TRIP12: variants seen among roughly 807,000 people sequenced by gnomAD.
TRIP12 encodes the protein E3 ubiquitin-protein ligase TRIP12.
Under a neutral mutation model 244.2 loss-of-function variants are expected in TRIP12, and 25 were observed. The observed-to-expected ratio is 0.10, with a 90% confidence interval of 0.07 to 0.14. The LOEUF is 0.14. TRIP12 is among the 10% of genes least tolerant of loss of function. The probability of loss-of-function intolerance (pLI) is 1.00; values close to 1 mark genes in which losing one functional copy is unlikely to be tolerated. For missense variants in TRIP12, 1,677 were observed against 2,486.4 expected, an observed-to-expected ratio of 0.67 and a Z score of 6.92; for synonymous variants, 905 against 873.1, an observed-to-expected ratio of 1.04 and a Z score of -0.64.
chr2:229,903,846 T>C (rs1462830412), intron 1 of TRIP12, among the ~76,000 whole-genome samples: 2 of 147,408 alleles, frequency 1.4e-5, no homozygotes, highest in Admixed American at 6.8e-5. Context: ...TGAAACCCCA[T>C]GTTGTCTCTA....
At position 229,767,458 on chromosome 2, in the gene TRIP12, G is replaced by T. The variant is rs1342921424; in HGVS notation, c.*96C>A. ...GCCGTTTTTCCTACAACAAGAAGGCGTAACATGTTTCCTTGACTCAGGTGA... is the reference window on the plus strand; with the variant it reads ...GCCGTTTTTCCTACAACAAGAAGGCTTAACATGTTTCCTTGACTCAGGTGA... On this transcript the variant is annotated 3_prime_UTR_variant, in exon 42 of 42. Coordinates refer to ENST00000675903, the MANE Select transcript of TRIP12 (RefSeq NM_001348323.3). 2 of 1,414,462 alleles carry T rather than the reference G, an allele frequency of 1.4e-6. No individual in the cohort carries two copies. The highest frequency in any genetic ancestry group is 2.5e-5 in the Admixed American group (1 of 40,392). 87.6% of individuals were successfully genotyped at this position (1,414,462 alleles called of 1,614,324 possible).
At chr2:229,901,371 A>G (rs1462402619) in intron 1 of TRIP12, among the ~76,000 whole-genome samples, 3 of 151,930 alleles carry the variant, frequency 2.0e-5, no homozygotes, top group Non-Finnish European at 2.9e-5. Context: ...TTGTAATCCC[A>G]GCACTTTGGG....
chr2:229,878,874 G>A (rs1039372811), intron 2 of TRIP12, among the ~76,000 whole-genome samples: 16 of 151,692 alleles, frequency 1.1e-4, no homozygotes, highest in African/African-American at 2.4e-4. Context: ...GAGCCACCGC[G>A]CCCGGCCTAA....
chr2:229,784,213 A>G (rs909497804), intron 34 of TRIP12, among the ~76,000 whole-genome samples: 2 of 151,762 alleles, frequency 1.3e-5, no homozygotes, highest in Non-Finnish European at 2.9e-5. Flanking sequence ...GTATAGAATA[A>G]TAACAGAAAA....
rs1031107595 is a variant in TRIP12 at position 229,778,017 on chromosome 2, T to G, written c.5364+416A>C. Among the ~76,000 whole-genome samples the G allele has an allele frequency of 6.6e-6, 1 of 152,204 alleles. No individual in the cohort carries two copies. The highest frequency in any genetic ancestry group is 2.4e-5 in the African/African-American group (1 of 41,454). ...TCCAACCTCTATGAATACTGATCAC[T>G]CGGGTTATTTTCACAACAGCACTCT... On this transcript the variant is annotated intron_variant, in intron 36 of 41. Transcript: ENST00000675903. The surrounding 1 kb of genome is among the most constrained non-coding windows in gnomAD (Gnocchi z 4.1).
intron 1 of TRIP12, chr2:229,900,661 A>C (rs573370676): frequency 6.6e-6 from 1 of 152,288 alleles, no homozygotes; most frequent in African/African-American, 2.4e-5. Context: ...CAGGAGTTGG[A>C]GATCACCCAG....
At chr2:229,782,005 C>T (rs2038334645) in intron 34 of TRIP12, among the ~76,000 whole-genome samples, 2 of 152,170 alleles carry the variant, frequency 1.3e-5, no homozygotes, top group South Asian at 2.1e-4. Flanking sequence ...GTTTAGGTTT[C>T]ACGCAAGATG....
intron 2 of TRIP12, among the ~76,000 whole-genome samples, chr2:229,865,609 ATTTG>A (rs1289562397): frequency 2.0e-5 from 3 of 151,944 alleles, no homozygotes; most frequent in East Asian, 3.9e-4. Flanking sequence ...ACAACTCTAA[ATTTG>A]TTTGTGTATA....
At chr2:229,903,703 G>T (rs1433831687) in intron 1 of TRIP12, among the ~76,000 whole-genome samples, 1 of 151,982 alleles carries the variant, frequency 6.6e-6, no homozygotes, top group Non-Finnish European at 1.5e-5. Flanking sequence ...AAAGATAAGG[G>T]AGGAAAATTT....
chr2:229,788,677 G>T, intron 32 of TRIP12, 121 bp downstream of exon 32: 1 of 1,319,874 alleles, frequency 7.6e-7, no homozygotes. Context: ...AGCAAGTTGT[G>T]ATCAACAGTA....
At chr2:229,789,823 C>T in intron 30 of TRIP12, 61 bp from the exon 31 acceptor site, 1 of 1,574,786 alleles carries the variant, frequency 6.4e-7, no homozygotes, top group South Asian at 1.2e-5. Flanking sequence ...GCCAGTGCAG[C>T]CAAGGTCCTA....
chr2:229,905,624 C>T (rs2072525733), intron 1 of TRIP12, among the ~76,000 whole-genome samples: 3 of 152,180 alleles, frequency 2.0e-5, no homozygotes, highest in Admixed American at 2.0e-4. Context: ...TTTAAAAATA[C>T]CTTTGAGCTA....
chr2:229,810,826 T>C, intron 15 of TRIP12, 54 bp downstream of exon 15: 1 of 1,574,768 alleles, frequency 6.4e-7, no homozygotes, highest in Non-Finnish European at 8.7e-7. Flanking sequence ...ACTTTACATA[T>C]TAATGAAGAA....
intron 2 of TRIP12, among the ~76,000 whole-genome samples, chr2:229,864,257 A>G (rs1010424097): frequency 2.6e-5 from 4 of 152,254 alleles, no homozygotes; most frequent in African/African-American, 9.6e-5. Flanking sequence ...CATCCCAGCA[A>G]AATCACATCA....
chr2:229,806,978 A>G (rs563718175), intron 17 of TRIP12, among the ~76,000 whole-genome samples: 1 of 152,366 alleles, frequency 6.6e-6, no homozygotes, highest in South Asian at 2.1e-4. Context: ...ACAGTGATCA[A>G]CACCTCCTAA....
chr2:229,832,756 A>C (rs902146921), intron 6 of TRIP12, among the ~76,000 whole-genome samples: 1 of 152,238 alleles, frequency 6.6e-6, no homozygotes, highest in African/African-American at 2.4e-5. Flanking sequence ...ACCCTTAGAA[A>C]CTGTATGACT....
intron 30 of TRIP12, among the ~76,000 whole-genome samples, chr2:229,790,670 A>G (rs2041279536): frequency 1.3e-5 from 2 of 152,298 alleles, no homozygotes; most frequent in South Asian, 2.1e-4. Flanking sequence ...ACAGAGGAAA[A>G]TAAGTCTATT....
intron 8 of TRIP12, among the ~76,000 whole-genome samples, chr2:229,821,479 G>T (rs1385608552): frequency 6.6e-6 from 1 of 152,098 alleles, no homozygotes; most frequent in South Asian, 2.1e-4. Flanking sequence ...GGTCTCTACT[G>T]CAACTACTCA....
In TRIP12 at chr2:229,819,939, C is replaced by T. The variant is rs543511752; in HGVS notation, c.1451-1427G>A. Among the ~76,000 whole-genome samples the T allele has an allele frequency of 4.6e-5, 7 of 152,308 alleles. No homozygotes were observed. The East Asian group carries it at 7.7e-4, about 17-fold the overall frequency. ...TGTGGCTACTGCATTCCATAGCTAT[C>T]GCTGCCTACCTACCTTTACCATAAT... On this transcript the variant is annotated intron_variant, in intron 8 of 41. Coordinates refer to ENST00000675903, the MANE Select transcript of TRIP12 (RefSeq NM_001348323.3).
Sources: gnomAD v4.1 joint callset for allele counts (sites outside exome capture counted in the v4.1 genomes callset) on GRCh38, gnomAD v4.1.1 for gene constraint, Gnocchi (gnomAD v3.1) non-coding constraint, MANE v1.5 for transcripts, NCBI Gene and HGNC (gene_info 2026-07-23, HGNC 2026-07-21) for gene names.